Variants in TSPAN12 observed in about 807,000 individuals in gnomAD.
The protein encoded by TSPAN12 is tetraspanin-12.
Under a neutral mutation model 39.2 loss-of-function variants are expected in TSPAN12, and 19 were observed. The observed-to-expected ratio is 0.49, with a 90% CI of 0.34 to 0.71. The LOEUF is 0.71. Ranked by LOEUF, TSPAN12 falls within the 30% of genes least tolerant of loss-of-function variation. The probability of loss-of-function intolerance (pLI) is 0.01; values close to 1 mark genes in which losing one functional copy is unlikely to be tolerated. For missense variants in TSPAN12, 314 were observed against 359.9 expected (o/e 0.87, Z 1.03); for synonymous variants, 119 against 124.8 (o/e 0.95, Z 0.31).
At chr7:120,798,964 C>T (rs751840585) in intron 7 of TSPAN12, among the ~76,000 whole-genome samples, 5 of 152,144 alleles carry the variant, frequency 3.3e-5, no homozygotes, top group Non-Finnish European at 5.9e-5. Flanking sequence ...TTAAGGATTG[C>T]CTGCTCTGTA....
At chr7:120,790,084 T>C (rs973429293) in intron 7 of TSPAN12, among the ~76,000 whole-genome samples, 11 of 152,146 alleles carry the variant, frequency 7.2e-5, no homozygotes, top group Non-Finnish European at 4.4e-5. Context: ...TGCATTTTGC[T>C]GTGGACCGGA....
intron 7 of TSPAN12, among the ~76,000 whole-genome samples, chr7:120,790,993 TATTA>T (rs1490086647): frequency 6.6e-6 from 1 of 152,140 alleles, no homozygotes; most frequent in African/African-American, 2.4e-5. Flanking sequence ...AGCATGAATA[TATTA>T]ATATTTTAGT....
chr7:120,803,418 A>T (rs1185139926), intron 7 of TSPAN12, among the ~76,000 whole-genome samples: 1 of 152,092 alleles, frequency 6.6e-6, no homozygotes. Context: ...CTACTGAATG[A>T]TCTCTGGACA....
chr7:120,799,015 A>T (rs904564211), intron 7 of TSPAN12, among the ~76,000 whole-genome samples: 1 of 152,080 alleles, frequency 6.6e-6, no homozygotes, highest in Non-Finnish European at 1.5e-5. Flanking sequence ...ATATTTTCTA[A>T]TTCCTACCTT....
chr7:120,840,920 C>T (rs560370305), intron 2 of TSPAN12, among the ~76,000 whole-genome samples: 19 of 152,298 alleles, frequency 1.2e-4, no homozygotes, highest in African/African-American at 4.3e-4. Flanking sequence ...TTTATCAGGT[C>T]ATTGGTTCTC....
intron 4 of TSPAN12, among the ~76,000 whole-genome samples, chr7:120,829,511 A>T (rs1046697602): frequency 6.6e-6 from 1 of 151,988 alleles, no homozygotes; most frequent in Non-Finnish European, 1.5e-5. Flanking sequence ...TACATTTAGG[A>T]TACTGTTTCC....
At chr7:120,810,841 C>T (rs922970652) in intron 5 of TSPAN12, among the ~76,000 whole-genome samples, 5 of 152,104 alleles carry the variant, frequency 3.3e-5, no homozygotes, top group African/African-American at 1.2e-4. Context: ...CTTTAATGCT[C>T]AAGGAAATCA....
chr7:120,850,981 C>T (rs1464849755), intron 2 of TSPAN12, among the ~76,000 whole-genome samples: 1 of 152,152 alleles, frequency 6.6e-6, no homozygotes, highest in African/African-American at 2.4e-5. Context: ...TGAGACACCG[C>T]GTCCGGCTGA....
At chr7:120,837,842 C>T (rs1794507872) in intron 4 of TSPAN12, among the ~76,000 whole-genome samples, 1 of 152,188 alleles carries the variant, frequency 6.6e-6, no homozygotes, top group Non-Finnish European at 1.5e-5. Context: ...GTCCCCAGTT[C>T]CACATTCAGT....
In TSPAN12 at chr7:120,833,830, T is replaced by C. The variant is rs193222821; in HGVS notation, c.285+4947A>G. Among the ~76,000 whole-genome samples, 7 of 152,300 alleles carry C rather than the reference T, an allele frequency of 4.6e-5. No homozygotes were observed. In the East Asian group the frequency reaches 1.3e-3, roughly 29 times the overall value. On this transcript the variant is annotated intron_variant, in intron 4 of 7. Coordinates refer to ENST00000222747, the MANE Select transcript of TSPAN12 (RefSeq NM_012338.4). ...ACTGCTTTCCTAATGCCTATGTTAA[T>C]AGCAAGGTAGAACTGCAATAACAAA...
chr7:120,810,590 T>C lies in TSPAN12; in HGVS notation c.361-20A>G, dbSNP rs773722409. The stretch of plus-strand genomic sequence containing the variant: ...TGGAACCTGGTGATAAAAAGCAAAA[T>C]ATCAACAGCTGTAGCTCACACACAG... On this transcript the variant is annotated intron_variant, in intron 5 of 7. Transcript: ENST00000222747. 6 of 1,398,170 alleles carry C rather than the reference T, an allele frequency of 4.3e-6. No homozygotes were observed. The South Asian group carries it at 6.9e-5, about 16-fold the overall frequency. The allele number at this position is 1,398,170 out of a possible 1,614,324, so 86.6% of individuals were successfully genotyped here. A position where few individuals can be genotyped will look rare whatever the true frequency, so the allele number is the denominator to read the frequency against.
At chr7:120,844,044 A>G (rs1001951165) in intron 2 of TSPAN12, among the ~76,000 whole-genome samples, 2 of 152,140 alleles carry the variant, frequency 1.3e-5, no homozygotes, top group Admixed American at 6.5e-5. Flanking sequence ...ACTTTCAATC[A>G]TGGTGGGAGG....
intron 2 of TSPAN12, among the ~76,000 whole-genome samples, chr7:120,843,988 G>A (rs944751440): frequency 5.9e-5 from 9 of 152,112 alleles, no homozygotes; most frequent in African/African-American, 2.2e-4. Flanking sequence ...GTTGGCTCAT[G>A]GTTCCTCAGG....
At chr7:120,797,138 CAG>C (rs200678813) in intron 7 of TSPAN12, among the ~76,000 whole-genome samples, 2,452 of 152,310 alleles carry the variant, frequency 0.016, 23 homozygotes, top group Non-Finnish European at 0.022. Flanking sequence ...GCCTGGGCGA[CAG>C]AGCCAGATTT....
intron 7 of TSPAN12, among the ~76,000 whole-genome samples, chr7:120,806,109 T>C (rs1262543228): frequency 3.9e-5 from 6 of 152,032 alleles, no homozygotes; most frequent in African/African-American, 9.7e-5. Flanking sequence ...GAGAGTAGCA[T>C]GGTAGCATTT....
chr7:120,855,826 TA>T (rs572401228), intron 2 of TSPAN12, among the ~76,000 whole-genome samples: 131 of 152,298 alleles, frequency 8.6e-4, no homozygotes, highest in African/African-American at 3.0e-3. Flanking sequence ...GTCAGCCACA[TA>T]AATAAATTGC....
chr7:120,788,476 GTGT>G lies in TSPAN12; in HGVS notation c.*113_*115del. On this transcript the variant is annotated 3_prime_UTR_variant, in exon 8 of 8. Transcript: ENST00000222747. ...AAAGCATAGAATAGTATATGCTTAG[GTGT>G]TATTTTATGGCAACATTTTTATTTC... 1.6e-6 allele frequency: 2 copies of G among 1,246,076 alleles called. No homozygotes were observed. Among genetic ancestry groups the G allele is most frequent in the South Asian group, 2.6e-5 (2 of 78,352 alleles). The allele number at this position is 1,246,076 out of a possible 1,614,324, so 77.2% of individuals were successfully genotyped here.
chr7:120,821,764 CTT>C (rs1794191925), intron 4 of TSPAN12, among the ~76,000 whole-genome samples: 1 of 152,204 alleles, frequency 6.6e-6, no homozygotes, highest in African/African-American at 2.4e-5. Flanking sequence ...ATAGCAGACA[CTT>C]AATATATGTT....
intron 6 of TSPAN12, among the ~76,000 whole-genome samples, chr7:120,807,803 G>A (rs2116353005): frequency 6.6e-6 from 1 of 152,130 alleles, no homozygotes; most frequent in Admixed American, 6.6e-5. Flanking sequence ...CATCTTAAGA[G>A]TATTATAAAT....
Sources: allele counts gnomAD v4.1 joint callset (sites outside exome capture counted in the v4.1 genomes callset), GRCh38; gene constraint gnomAD v4.1.1; transcripts MANE v1.5; gene names NCBI Gene and HGNC (gene_info 2026-07-23, HGNC 2026-07-21).